The following DENND1A variants were observed in gnomAD, a reference collection of about 807,000 sequenced individuals.
The protein encoded by DENND1A is DENN domain containing 1A.
In DENND1A, 51 loss-of-function variants were observed where a neutral mutation model predicts 113.7. The ratio of observed to expected loss-of-function variants is 0.45; its 90% CI spans 0.36 to 0.57. The LOEUF (loss-of-function observed/expected upper bound fraction) is 0.57. DENND1A is among the 20% of genes least tolerant of loss of function. The pLI is 0.00. For synonymous variants in DENND1A, 565 were observed against 570.8 expected (o/e 0.99, Z 0.14); for missense variants, 1,258 against 1,395.9 (o/e 0.90, Z 1.57).
At chr9:123,712,343 A>G (rs1446212580) in intron 5 of DENND1A, among the ~76,000 whole-genome samples, 1 of 152,218 alleles carries the variant, frequency 6.6e-6, no homozygotes, top group Non-Finnish European at 1.5e-5. Context: ...ACATATTTAC[A>G]TATTCATTAA....
chr9:123,579,480 AG>A (rs1214753484), intron 12 of DENND1A, among the ~76,000 whole-genome samples: 3 of 152,184 alleles, frequency 2.0e-5, no homozygotes, highest in Non-Finnish European at 4.4e-5. Context: ...GTTTTTAGAA[AG>A]GTCACTCTGG....
At chr9:123,628,948 A>C (rs1439222721) in intron 10 of DENND1A, among the ~76,000 whole-genome samples, 1 of 152,226 alleles carries the variant, frequency 6.6e-6, no homozygotes, top group African/African-American at 2.4e-5. Context: ...CCATTCACTT[A>C]CTGCTATGCA....
At chr9:123,513,169 G>T (rs1448984838) in intron 13 of DENND1A, among the ~76,000 whole-genome samples, 1 of 152,154 alleles carries the variant, frequency 6.6e-6, no homozygotes, top group East Asian at 1.9e-4. Context: ...GGGTGGAAGG[G>T]CTCCTCTGTT....
At chr9:123,870,436 ATTTT>A (rs945620687) in intron 2 of DENND1A, among the ~76,000 whole-genome samples, 1 of 136,512 alleles carries the variant, frequency 7.3e-6, no homozygotes, top group Admixed American at 7.4e-5. Flanking sequence ...TGCCCGGCTA[ATTTT>A]TTTTTTTTTT....
chr9:123,645,336 GT>G (rs1315891322), intron 9 of DENND1A, among the ~76,000 whole-genome samples: 1 of 152,162 alleles, frequency 6.6e-6, no homozygotes, highest in Non-Finnish European at 1.5e-5. Context: ...AATGTGGTTT[GT>G]CAAGTATTGC....
chr9:123,674,342 TCACACA>T (rs546398875), intron 6 of DENND1A, among the ~76,000 whole-genome samples: 3,197 of 132,266 alleles, frequency 0.024, 51 homozygotes, highest in South Asian at 0.03. Flanking sequence ...TGTCTCTCTC[TCACACA>T]CACACACACA....
At chr9:123,535,252 C>T (rs939113085) in intron 13 of DENND1A, among the ~76,000 whole-genome samples, 1 of 152,196 alleles carries the variant, frequency 6.6e-6, no homozygotes, top group African/African-American at 2.4e-5. Flanking sequence ...TGCTTAAAGT[C>T]ACTCCAATGG....
At chr9:123,483,288 C>T (rs1001719806) in intron 13 of DENND1A, among the ~76,000 whole-genome samples, 18 of 152,172 alleles carry the variant, frequency 1.2e-4, no homozygotes, top group African/African-American at 4.3e-4. Flanking sequence ...TTTTCAGTAC[C>T]TTGGAATCCC....
intron 21 of DENND1A, among the ~76,000 whole-genome samples, chr9:123,397,204 G>A (rs2043179971): frequency 6.6e-6 from 1 of 152,152 alleles, no homozygotes; most frequent in African/African-American, 2.4e-5. Context: ...GCCCAGGCTG[G>A]AGGGCAGTGG....
intron 10 of DENND1A, among the ~76,000 whole-genome samples, chr9:123,616,754 CA>C (rs2060668640): frequency 6.6e-6 from 1 of 152,156 alleles, no homozygotes; most frequent in African/African-American, 2.4e-5. Flanking sequence ...CTTGAATTTT[CA>C]AAAGGCTCCT....
chr9:123,409,687 G>A (rs1476555041), intron 20 of DENND1A, among the ~76,000 whole-genome samples: 2 of 152,036 alleles, frequency 1.3e-5, no homozygotes, highest in African/African-American at 4.8e-5. Flanking sequence ...AGGCGCAGCT[G>A]GGATGAGGTA....
At chr9:123,410,050 C>T (rs2044183589) in intron 20 of DENND1A, among the ~76,000 whole-genome samples, 1 of 152,190 alleles carries the variant, frequency 6.6e-6, no homozygotes, top group African/African-American at 2.4e-5. Context: ...TGAGATTGCA[C>T]CACTGCACTC....
At chr9:123,533,770 G>A (rs1284914564) in intron 13 of DENND1A, among the ~76,000 whole-genome samples, 1 of 152,200 alleles carries the variant, frequency 6.6e-6, no homozygotes, top group African/African-American at 2.4e-5. Context: ...AAGGGTAAGG[G>A]CTGTGAGTGG....
At chr9:123,670,984 CTGAA>C (rs2139964448) in intron 7 of DENND1A, among the ~76,000 whole-genome samples, 1 of 152,238 alleles carries the variant, frequency 6.6e-6, no homozygotes, top group East Asian at 1.9e-4. Context: ...GGGACAGGGA[CTGAA>C]GAAGCAGGCG....
At chr9:123,650,393 A>G (rs1589513807) in intron 9 of DENND1A, among the ~76,000 whole-genome samples, 4 of 152,220 alleles carry the variant, frequency 2.6e-5, no homozygotes, top group Non-Finnish European at 5.9e-5. Context: ...CCTTTTATTC[A>G]TAAGTAAACA....
intron 18 of DENND1A, 24 bp downstream of exon 18, chr9:123,450,669 A>C (rs1386362720): frequency 6.2e-7 from 1 of 1,603,568 alleles, no homozygotes; most frequent in East Asian, 2.2e-5. Context: ...GTGCTTATAC[A>C]TTTTGAATAA....
chr9:123,385,023 C>T (rs532120372), intron 22 of DENND1A, among the ~76,000 whole-genome samples: 42 of 152,290 alleles, frequency 2.8e-4, no homozygotes, highest in Admixed American at 1.3e-3. Flanking sequence ...GCAGCTGATC[C>T]AAGTATAGTT....
chr9:123,543,152 G>C (rs550748257), intron 13 of DENND1A, among the ~76,000 whole-genome samples: 1 of 152,168 alleles, frequency 6.6e-6, no homozygotes, highest in Non-Finnish European at 1.5e-5. Flanking sequence ...GTCATGGAAC[G>C]GGTAAAAATG....
intron 5 of DENND1A, among the ~76,000 whole-genome samples, chr9:123,681,004 G>A (rs1196011931): frequency 6.6e-6 from 1 of 152,088 alleles, no homozygotes; most frequent in Non-Finnish European, 1.5e-5. Context: ...GAGTCCAAGT[G>A]GGAGGAGAAG....
Sources: gnomAD v4.1 joint callset for allele counts (sites outside exome capture counted in the v4.1 genomes callset) on GRCh38, gnomAD v4.1.1 for gene constraint, MANE v1.5 for transcripts, NCBI Gene and HGNC (gene_info 2026-07-23, HGNC 2026-07-21) for gene names.